Variants in SAMMSON observed in about 807,000 individuals in gnomAD.
SAMMSON encodes long intergenic non-protein coding RNA 1212.
At chr3:70,250,747 A>T (rs1274747773) in intron 6 of SAMMSON, among the ~76,000 whole-genome samples, 1 of 152,168 alleles carries the variant, frequency 6.6e-6, no homozygotes, top group African/African-American at 2.4e-5. Context: ...AGCATCTTGC[A>T]ATTTGGGACT....
At position 70,323,042 on chromosome 3, in the gene SAMMSON, G is replaced by A. The variant is rs1702549497; in HGVS notation, n.740-31133G>A. On this transcript the variant is annotated intron_variant and non_coding_transcript_variant, in intron 7 of 9. Coordinates refer to ENST00000642114, the Ensembl canonical transcript of SAMMSON. ...TGAATTTGGGGGAAGGATAAGTGGA[G>A]ATGATAAAAGAAATTTCTCATTCCA... Among the ~76,000 whole-genome samples the A allele has an allele frequency of 2.0e-5, 3 of 152,002 alleles. No homozygotes were observed. In the South Asian group the frequency reaches 6.2e-4, roughly 32 times the overall value.
At position 70,167,357 on chromosome 3, in the gene SAMMSON, G is replaced by C. The variant is rs571015718; in HGVS notation, n.508-81750G>C. Among the ~76,000 whole-genome samples the C allele has an allele frequency of 3.3e-5, 5 of 152,086 alleles. No individual in the cohort carries two copies. The East Asian group carries it at 9.7e-4, about 29-fold the overall frequency. On this transcript the variant is annotated intron_variant and non_coding_transcript_variant, in intron 4 of 9. Coordinates refer to ENST00000642114, the Ensembl canonical transcript of SAMMSON. ...AGTGAGTGATTTTTGCATTTAAATA[G>C]TGAGCAGAATTCTAACATCTTCTAA...
chr3:70,402,568 T>TTATAAATCATGGGCTAGGTG, intron 2 of SAMMSON, among the ~76,000 whole-genome samples: 1 of 152,270 alleles, frequency 6.6e-6, no homozygotes, highest in South Asian at 2.1e-4. Context: ...TATTTCAAAA[T>TTATAAATCATGGGCTAGGTG]TATAAATCAT....
At chr3:70,311,064 T>C (rs1215997100) in intron 7 of SAMMSON, among the ~76,000 whole-genome samples, 2 of 152,218 alleles carry the variant, frequency 1.3e-5, no homozygotes, top group Admixed American at 6.5e-5. Context: ...GTTATTGTTA[T>C]CATTATTTTG....
At position 70,040,017 on chromosome 3, in the gene SAMMSON, T is replaced by C. The variant is rs548811536; in HGVS notation, n.417+26345T>C. ...TTTAGTAACCATTTATTTGTTAGTA[T>C]GGCAACATGATATGGTGATTTCAAC... On this transcript the variant is annotated intron_variant and non_coding_transcript_variant, in intron 3 of 9. Coordinates refer to ENST00000642114, the Ensembl canonical transcript of SAMMSON. 2.6e-5 allele frequency among the ~76,000 whole-genome samples: 4 copies of C among 152,242 alleles called. No homozygotes were observed. In the South Asian group the frequency reaches 6.2e-4, roughly 24 times the overall value.
chr3:70,045,004 TTATA>T (rs201603434), intron 3 of SAMMSON, among the ~76,000 whole-genome samples: 6 of 123,354 alleles, frequency 4.9e-5, no homozygotes, highest in Admixed American at 9.1e-5. Context: ...ATATAATTAA[TTATA>T]TATATATAAT....
At chr3:70,148,400 A>G (rs760234914) in intron 4 of SAMMSON, among the ~76,000 whole-genome samples, 10 of 152,156 alleles carry the variant, frequency 6.6e-5, no homozygotes, top group Non-Finnish European at 1.3e-4. Context: ...CAGATATTCA[A>G]TTACAGAATT....
At chr3:70,427,710 C>T (rs1478165730) in intron 2 of SAMMSON, among the ~76,000 whole-genome samples, 1 of 147,230 alleles carries the variant, frequency 6.8e-6, no homozygotes, top group East Asian at 2.0e-4. Flanking sequence ...TGCGCTCCAG[C>T]CTGGGCGACA....
chr3:70,065,278 CG>C (rs1559783985), intron 3 of SAMMSON: 2 of 152,014 alleles, frequency 1.3e-5, no homozygotes, highest in African/African-American at 4.8e-5. Flanking sequence ...ATCAAGGATA[CG>C]GGGAGATAAT....
chr3:70,263,854 T>G lies in SAMMSON; in HGVS notation n.674+14184T>G, dbSNP rs866783365. 2.6e-5 allele frequency among the ~76,000 whole-genome samples: 4 copies of G among 152,134 alleles called. No homozygotes were observed. The South Asian group carries it at 8.3e-4, about 32-fold the overall frequency. On this transcript the variant is annotated intron_variant and non_coding_transcript_variant, in intron 6 of 9. Coordinates refer to ENST00000642114, the Ensembl canonical transcript of SAMMSON. ...CCTAGGCAGAAGGTCTGGGCGATGG[T>G]GGAACTCACTTTGTTTCCTTTCTCT...
At position 70,366,006 on chromosome 3, in the gene SAMMSON, C is replaced by T. The variant is rs1379090999; in HGVS notation, n.913+7682C>T. ...TTTTTTTTTTTTTTTTTTTTTGAGA[C>T]GGAGTCTCGCTCTGTCGCCCAGGTC... On this transcript the variant is annotated intron_variant and non_coding_transcript_variant, in intron 9 of 9. Transcript: ENST00000642114. 1.1e-3 allele frequency among the ~76,000 whole-genome samples: 12 copies of T among 11,348 alleles called. 1 individual carries two copies. Among genetic ancestry groups the T allele is most frequent in the African/African-American group, 3.8e-3 (12 of 3,156 alleles). The allele number at this position is 11,348 out of a possible 152,430, so 7.4% of individuals were successfully genotyped here.
At chr3:70,262,710 G>T (rs1191679260) in intron 6 of SAMMSON, among the ~76,000 whole-genome samples, 1 of 152,128 alleles carries the variant, frequency 6.6e-6, no homozygotes, top group Non-Finnish European at 1.5e-5. Flanking sequence ...CTTGCTTGGG[G>T]TTATTGGAGA....
chr3:70,053,216 A>G (rs575940093), intron 3 of SAMMSON, among the ~76,000 whole-genome samples: 1 of 152,232 alleles, frequency 6.6e-6, no homozygotes, highest in East Asian at 1.9e-4. Flanking sequence ...GATCAAAGTC[A>G]TTGTAGTGGT....
chr3:70,179,935 C>G (rs1448056758), intron 4 of SAMMSON, among the ~76,000 whole-genome samples: 1 of 151,676 alleles, frequency 6.6e-6, no homozygotes, highest in Non-Finnish European at 1.5e-5. Flanking sequence ...AGTCCTGTGA[C>G]CTTTATTCTC....
chr3:70,281,518 G>A (rs1042271603), intron 6 of SAMMSON, among the ~76,000 whole-genome samples: 54 of 152,214 alleles, frequency 3.5e-4, no homozygotes, highest in Non-Finnish European at 5.4e-4. Flanking sequence ...TAATAGTAGT[G>A]GAGGTGATAA....
intron 9 of SAMMSON, among the ~76,000 whole-genome samples, chr3:70,366,411 G>A (rs761655313): frequency 6.0e-5 from 9 of 149,724 alleles, no homozygotes; most frequent in African/African-American, 7.4e-5. Context: ...GCCTTTTTGC[G>A]TTGGCTTCAT....
At chr3:70,016,124 C>A (rs2066984023) in intron 3 of SAMMSON, among the ~76,000 whole-genome samples, 1 of 152,124 alleles carries the variant, frequency 6.6e-6, no homozygotes, top group South Asian at 2.1e-4. Context: ...TTCTAGATCC[C>A]TGAGGAATTG....
intron 7 of SAMMSON, among the ~76,000 whole-genome samples, chr3:70,351,677 T>G (rs1390894882): frequency 9.4e-6 from 1 of 106,246 alleles, no homozygotes; most frequent in Non-Finnish European, 1.9e-5. Context: ...TCAGAAATGC[T>G]AATGAGCACA....
At chr3:70,269,902 T>C (rs1701957612) in intron 6 of SAMMSON, among the ~76,000 whole-genome samples, 1 of 152,136 alleles carries the variant, frequency 6.6e-6, no homozygotes, top group Admixed American at 6.5e-5. Flanking sequence ...AAATTACTAT[T>C]CTTAAGTGAC....
Sources: allele counts gnomAD v4.1 joint callset (sites outside exome capture counted in the v4.1 genomes callset), GRCh38; gene constraint gnomAD v4.1.1; transcripts MANE v1.5; gene names NCBI Gene and HGNC (gene_info 2026-07-23, HGNC 2026-07-21).